Variants in ANKRD28 observed in about 807,000 individuals in gnomAD.
ANKRD28 encodes the protein ankyrin repeat domain 28.
ANKRD28 carries 44 observed loss-of-function variants against 126.5 expected under a neutral mutation model. That is an observed-to-expected ratio of 0.35 (90% confidence interval 0.27 to 0.45). ANKRD28 has a LOEUF of 0.45. Among genes scored for constraint, ANKRD28 ranks in the 20% least tolerant of loss-of-function variants. The pLI, the probability that ANKRD28 is intolerant of heterozygous loss-of-function variation, is 1.00. For synonymous variants in ANKRD28, 442 were observed against 468.5 expected, an observed-to-expected ratio of 0.94 and a Z score of 0.73; for missense variants, 1,110 against 1,316.6, an observed-to-expected ratio of 0.84 and a Z score of 2.43.
chr3:15,786,608 AG>A (rs941534421), intron 2 of ANKRD28, among the ~76,000 whole-genome samples: 24 of 152,120 alleles, frequency 1.6e-4, no homozygotes, highest in African/African-American at 5.8e-4. Context: ...ATATATATGC[AG>A]TTTATTATAC....
chr3:15,813,324 T>C (rs576165743), intron 1 of ANKRD28, among the ~76,000 whole-genome samples: 6 of 152,166 alleles, frequency 3.9e-5, no homozygotes, highest in Admixed American at 2.0e-4. Context: ...CCTGATCACA[T>C]GCCGCTGCAC....
intron 5 of ANKRD28, among the ~76,000 whole-genome samples, chr3:15,736,414 C>A (rs921936751): frequency 2.6e-5 from 4 of 152,144 alleles, no homozygotes; most frequent in Non-Finnish European, 5.9e-5. Context: ...ACATGGCAGC[C>A]ACTAGCTCCC....
rs554444366 is a variant in ANKRD28, at chr3:15,833,520, T to C, written c.27+25857A>G. ...TATACTACATATTATGTACTATATA[T>C]ATATAAAATATATACATTATTTTTT... On this transcript the variant is annotated intron_variant, in intron 1 of 27. Transcript: ENST00000399451. This position sits in a 1 kb window ranked among gnomAD's most constrained non-coding sequence, Gnocchi z 4.4. Among the ~76,000 whole-genome samples the C allele has an allele frequency of 2.7e-5, 4 of 148,460 alleles. No individual in the cohort carries two copies. The highest frequency in any genetic ancestry group is 6.7e-5 in the Admixed American group (1 of 14,842).
intron 3 of ANKRD28, among the ~76,000 whole-genome samples, chr3:15,755,715 G>C (rs144334745): frequency 1.3e-5 from 2 of 152,102 alleles, no homozygotes. Context: ...ACCAAATGTC[G>C]TTAACCGCCT....
At chr3:15,746,414 A>G (rs2057481051) in intron 4 of ANKRD28, among the ~76,000 whole-genome samples, 1 of 152,216 alleles carries the variant, frequency 6.6e-6, no homozygotes, top group Non-Finnish European at 1.5e-5. Flanking sequence ...AGTTTTAATC[A>G]TAAAAGGATG....
intron 2 of ANKRD28, among the ~76,000 whole-genome samples, 165 bp from the exon 3 acceptor site, chr3:15,766,477 A>T (rs2058744173): frequency 6.6e-6 from 1 of 152,214 alleles, no homozygotes; most frequent in African/African-American, 2.4e-5. Context: ...ATAAAATAAA[A>T]GGATGTGACA....
chr3:15,779,191 T>C (rs1350632475), intron 2 of ANKRD28, among the ~76,000 whole-genome samples: 1 of 152,138 alleles, frequency 6.6e-6, no homozygotes, highest in Non-Finnish European at 1.5e-5. Context: ...TACCATAAAC[T>C]GCAGCCTGAA....
intron 1 of ANKRD28, 29 bp downstream of exon 1, chr3:15,796,376 T>C (rs1207262366): frequency 2.4e-6 from 3 of 1,245,956 alleles, no homozygotes; most frequent in South Asian, 2.6e-5. Flanking sequence ...CAGTAGAATA[T>C]AGTAAACATA....
Position 15,741,697 on chromosome 3 carries a change from CTTTTTTTTTTTTTTTTTTTTTTTTT to C in ANKRD28, c.352-4489_352-4465del, listed in dbSNP as rs58655271. ...ACCAGTTTTCCCCTTTGGTTCTATC[CTTTTTTTTTTTTTTTTTTTTTTTTT>C]TTTTTTTTTTTTTTTAGCAATTCTT... is the stretch of plus-strand genomic sequence containing the variant. On this transcript the variant is annotated intron_variant, in intron 4 of 27. Transcript: ENST00000683139. 1.3e-3 allele frequency among the ~76,000 whole-genome samples: 43 copies of C among 33,668 alleles called. 1 individual carries two copies. Among genetic ancestry groups the C allele is most frequent in the Middle Eastern group, 0.031 (1 of 32 alleles). 22.1% of individuals were successfully genotyped at this position (33,668 alleles called of 152,430 possible).
At chr3:15,697,273 G>C (rs1018295496) in intron 14 of ANKRD28, 7 of 153,108 alleles carry the variant, frequency 4.6e-5, no homozygotes, top group Admixed American at 6.6e-5. Context: ...ATGGACTTTG[G>C]GGACTCAGGG....
In ANKRD28 at chr3:15,830,575, C is replaced by A. The variant is rs2061167805; in HGVS notation, c.27+28802G>T. Among the ~76,000 whole-genome samples the A allele has an allele frequency of 6.6e-6, 1 of 151,782 alleles. No individual in the cohort carries two copies. Among genetic ancestry groups the A allele is most frequent in the Non-Finnish European group, 1.5e-5 (1 of 67,938 alleles). The stretch of plus-strand genomic sequence containing the variant: ...CAGTTTCATCTCAAAACCATCCCAC[C>A]CCCCACCGCACCCCCATCCACGGAA... On this transcript the variant is annotated intron_variant, in intron 1 of 27. Coordinates refer to the ANKRD28 transcript ENST00000399451. The surrounding 1 kb of genome is among the most constrained non-coding windows in gnomAD (Gnocchi z 4.5).
At chr3:15,754,852 C>T (rs768027944) in intron 3 of ANKRD28, among the ~76,000 whole-genome samples, 2 of 152,146 alleles carry the variant, frequency 1.3e-5, no homozygotes, top group African/African-American at 2.4e-5. Context: ...TGCAGTGGCT[C>T]ACGCCTGTAA....
chr3:15,733,174 C>CA (rs2074773060), intron 6 of ANKRD28: 2 of 152,158 alleles, frequency 1.3e-5, no homozygotes. Context: ...CAAACAAAAA[C>CA]AAAAACAAAA....
intron 21 of ANKRD28, among the ~76,000 whole-genome samples, chr3:15,682,204 G>T (rs191236590): frequency 4.1e-4 from 62 of 152,176 alleles, no homozygotes; most frequent in Non-Finnish European, 5.3e-4. Flanking sequence ...CATAAAAAAA[G>T]ATTATTTATG....
intron 3 of ANKRD28, among the ~76,000 whole-genome samples, chr3:15,761,064 G>T (rs578156807): frequency 6.6e-6 from 1 of 152,230 alleles, no homozygotes; most frequent in South Asian, 2.1e-4. Context: ...TTATGTTAGA[G>T]AAATATATTT....
rs1233386738 is a variant in ANKRD28 at position 15,830,591 on chromosome 3, A to G, written c.27+28786T>C. On this transcript the variant is annotated intron_variant, in intron 1 of 27. Coordinates refer to the ANKRD28 transcript ENST00000399451. This position sits in a 1 kb window ranked among gnomAD's most constrained non-coding sequence, Gnocchi z 4.5. ...CCATCCCACCCCCCACCGCACCCCC[A>G]TCCACGGAAAAATTGTCTTCCACGA... Among the ~76,000 whole-genome samples, 1 of 143,374 alleles carries G rather than the reference A, an allele frequency of 7.0e-6. No individual in the cohort carries two copies. Among genetic ancestry groups the G allele is most frequent in the African/African-American group, 2.6e-5 (1 of 38,830 alleles). 94.1% of individuals were successfully genotyped at this position (143,374 alleles called of 152,430 possible). A position where few individuals can be genotyped will look rare whatever the true frequency, so the allele number is the denominator to read the frequency against.
intron 3 of ANKRD28, among the ~76,000 whole-genome samples, chr3:15,759,541 T>TA (rs1466510354): frequency 6.6e-6 from 1 of 152,186 alleles, no homozygotes; most frequent in African/African-American, 2.4e-5. Context: ...CCACAAATCT[T>TA]AGAGTTGCAT....
chr3:15,701,306 A>G (rs538104065), intron 14 of ANKRD28, among the ~76,000 whole-genome samples: 3 of 152,286 alleles, frequency 2.0e-5, no homozygotes, highest in Admixed American at 2.0e-4. Flanking sequence ...TGCAATTTTG[A>G]TATTTATGTA....
At chr3:15,690,749 G>T (rs2062823) in intron 17 of ANKRD28, among the ~76,000 whole-genome samples, 70,471 of 151,778 alleles carry the variant, frequency 0.46, 19,265 homozygotes, top group Non-Finnish European at 0.6. Context: ...TTTAATTTTT[G>T]TAGTGATGAG....
Sources: gnomAD v4.1 joint callset for allele counts (sites outside exome capture counted in the v4.1 genomes callset) on GRCh38, gnomAD v4.1.1 for gene constraint, Gnocchi (gnomAD v3.1) non-coding constraint, MANE v1.5 for transcripts, NCBI Gene and HGNC (gene_info 2026-07-23, HGNC 2026-07-21) for gene names.